Variants in PLB1 observed in about 807,000 individuals in gnomAD.
PLB1 encodes the protein phospholipase B1, membrane-associated.
Under a neutral mutation model 227.4 loss-of-function variants are expected in PLB1, and 242 were observed. The ratio of observed to expected loss-of-function variants is 1.06; its 90% confidence interval spans 0.96 to 1.18. PLB1 has a LOEUF of 1.18. Ranked by LOEUF, PLB1 falls within the 50% of genes most tolerant of loss-of-function variation. The pLI is 0.00. For missense variants in PLB1, 1,858 were observed against 1,816.3 expected, an observed-to-expected ratio of 1.02 and a Z score of -0.42; for synonymous variants, 757 against 682.2, an observed-to-expected ratio of 1.11 and a Z score of -1.71.
At chr2:28,502,816 T>C (rs1452812988) in intron 1 of PLB1, among the ~76,000 whole-genome samples, 2 of 152,194 alleles carry the variant, frequency 1.3e-5, no homozygotes, top group Non-Finnish European at 2.9e-5. Flanking sequence ...TTTTTTCCTT[T>C]TAATGTTTGG....
Position 28,585,692 on chromosome 2 carries a change from G to A in PLB1, c.1734-69G>A, listed in dbSNP as rs373808356. ...GAAATGTATTGAGTCTCAAGCCAGC[G>A]TTTCTGCATCACTTATTCAGGATGG... On this transcript the variant is annotated intron_variant, in intron 25 of 57. Coordinates refer to ENST00000327757, the MANE Select transcript of PLB1 (RefSeq NM_153021.5). The A allele has an allele frequency of 3.5e-4, 447 of 1,271,708 alleles. 3 individuals carry two copies. In the South Asian group the frequency reaches 4.8e-3, roughly 14 times the overall value. 78.8% of individuals were successfully genotyped at this position (1,271,708 alleles called of 1,614,324 possible).
rs111587322 is a variant in PLB1, at chr2:28,545,918, C to A, written c.936+2650C>A. ...CCATTACTCTGTCCTCAGACACCCC[C>A]GGACACAGCTGTAGGGAAGGAGGAT... On this transcript the variant is annotated intron_variant, in intron 14 of 57. Transcript: ENST00000327757. Among the ~76,000 whole-genome samples, 9 of 152,274 alleles carry A rather than the reference C, an allele frequency of 5.9e-5. No homozygotes were observed. The East Asian group carries it at 1.7e-3, about 29-fold the overall frequency.
intron 4 of PLB1, among the ~76,000 whole-genome samples, chr2:28,521,479 A>C (rs1669526312): frequency 6.6e-6 from 1 of 152,170 alleles, no homozygotes; most frequent in African/African-American, 2.4e-5. Flanking sequence ...GTTGGTTTTT[A>C]ATAGTAGGCA....
At chr2:28,518,367 ATAGAAT>A in intron 2 of PLB1, 93 bp from the exon 3 acceptor site, 6 of 908,042 alleles carry the variant, frequency 6.6e-6, no homozygotes, top group Non-Finnish European at 1.1e-5. Flanking sequence ...TTGAGCCTAG[ATAGAAT>A]GAGTACATGA....
At chr2:28,606,247 C>T (rs998079499) in intron 42 of PLB1, among the ~76,000 whole-genome samples, 27 of 152,134 alleles carry the variant, frequency 1.8e-4, no homozygotes, top group African/African-American at 4.3e-4. Flanking sequence ...GTTTAAGCCA[C>T]GTTATCTCAT....
chr2:28,532,096 C>G lies in PLB1; in HGVS notation c.469-12C>G. On this transcript the variant is annotated splice_polypyrimidine_tract_variant and intron_variant, in intron 8 of 57. Coordinates refer to ENST00000327757, the MANE Select transcript of PLB1 (RefSeq NM_153021.5). The stretch of plus-strand genomic sequence containing the variant: ...CACAATCTCCTTTTCATGCTGTTGC[C>G]CTTTTATTCAGCAACTTGACTTTCA... 6.3e-7 allele frequency: 1 copy of G among 1,599,504 alleles called. No individual in the cohort carries two copies. The highest frequency in any genetic ancestry group is 8.6e-7 in the Non-Finnish European group (1 of 1,168,980).
chr2:28,529,528 A>G (rs540179341), intron 7 of PLB1, 121 bp downstream of exon 7: 1 of 1,009,668 alleles, frequency 9.9e-7, no homozygotes, highest in Admixed American at 2.3e-5. Flanking sequence ...TATTTAAGTC[A>G]AAGCCCAAAT....
At chr2:28,501,359 G>A (rs910694705) in intron 1 of PLB1, among the ~76,000 whole-genome samples, 2 of 151,992 alleles carry the variant, frequency 1.3e-5, no homozygotes, top group South Asian at 2.1e-4. Context: ...CCATACTTCC[G>A]TCCTTTAGAA....
intron 13 of PLB1, among the ~76,000 whole-genome samples, chr2:28,542,123 A>C: frequency 8.3e-6 from 1 of 120,086 alleles, no homozygotes; most frequent in Non-Finnish European, 1.8e-5. Flanking sequence ...GTAGAACGAG[A>C]CTCAGTCTCA....
intron 17 of PLB1, among the ~76,000 whole-genome samples, chr2:28,553,273 C>T (rs1047091406): frequency 7.9e-5 from 12 of 152,172 alleles, no homozygotes; most frequent in East Asian, 5.8e-4. Context: ...CCTGCCTTGA[C>T]GCCTTGATGG....
In PLB1 at chr2:28,620,281, G is replaced by A. The variant is rs117512489; in HGVS notation, c.3332G>A (p.Arg1111Gln). 6.5e-3 allele frequency: 10,465 copies of A among 1,603,694 alleles called. 480 individuals carry two copies. In the Admixed American group the frequency reaches 0.11, roughly 17 times the overall value. The change falls in exon 47 of 58, where the codon CGA becomes CAA. Residue 1111 changes from arginine (R) to glutamine (Q), a missense_variant. Arg to Gln is a conservative substitution (Grantham distance 43). Transcript: ENST00000327757. ...TTTTTACAGACAGCAGTGGGAGCTC[G>A]ACCAAACAACTCCAGTGACCTACCC... ...GDSLTTAVGARPNNSSDLPTS... is the reference protein window; with the variant it reads ...GDSLTTAVGAQPNNSSDLPTS...
intron 1 of PLB1, among the ~76,000 whole-genome samples, chr2:28,501,273 C>CT (rs1298197235): frequency 6.6e-6 from 1 of 152,112 alleles, no homozygotes; most frequent in Non-Finnish European, 1.5e-5. Context: ...TTACTGAATC[C>CT]TACAATACAT....
chr2:28,591,763 A>C lies in PLB1; in HGVS notation c.2188+3A>C, dbSNP rs1401513427. ...TTCTGCCTTGCACCCTACCTCAGGT[A>C]AGCCCCCTATGGCACAGCAGGACCC... On this transcript the variant is annotated splice_donor_region_variant and intron_variant, in intron 31 of 57. Transcript: ENST00000327757. 6.8e-6 allele frequency: 11 copies of C among 1,613,596 alleles called. No homozygotes were observed. Among genetic ancestry groups the C allele is most frequent in the Non-Finnish European group, 7.6e-6 (9 of 1,179,872 alleles).
At chr2:28,538,454 G>C in intron 10 of PLB1, 73 bp downstream of exon 10, 1 of 1,406,434 alleles carries the variant, frequency 7.1e-7, no homozygotes, top group Non-Finnish European at 9.9e-7. Flanking sequence ...CCACCGGGGT[G>C]GGGAAATGGA....
rs770738693 is a variant in PLB1, at chr2:28,582,468, C to G, written c.1696C>G (p.Gln566Glu). ...GATCGTCAACCTGAGGGAGCTGTAC[C>G]AGGAGAAAAAAGTCTACTGCCCAAG... ...LEIVNLRELY[Q>E]EKKVYCPRMI... The change falls in exon 25 of 58, where the codon CAG becomes GAG. Residue 566 changes from glutamine to glutamate, a missense_variant. By Grantham distance (29) the Gln-to-Glu change is conservative (BLOSUM62 2). Coordinates refer to ENST00000327757, the MANE Select transcript of PLB1 (RefSeq NM_153021.5). 1.2e-6 allele frequency: 2 copies of G among 1,612,492 alleles called. No individual in the cohort carries two copies. Among genetic ancestry groups the G allele is most frequent in the Admixed American group, 1.7e-5 (1 of 59,878 alleles).
intron 43 of PLB1, among the ~76,000 whole-genome samples, chr2:28,609,655 C>T (rs1423378338): frequency 6.6e-6 from 1 of 152,158 alleles, no homozygotes; most frequent in Non-Finnish European, 1.5e-5. Flanking sequence ...GCTTAACATT[C>T]ATTCAAAAAA....
chr2:28,566,613 A>T, intron 19 of PLB1, 183 bp from the exon 20 acceptor site: 1 of 604,582 alleles, frequency 1.7e-6, no homozygotes, highest in Non-Finnish European at 3.0e-6. Flanking sequence ...GTGCTGGCCT[A>T]TGGGGAGGGG....
At chr2:28,526,045 T>A in intron 6 of PLB1, 100 bp downstream of exon 6, 1 of 1,366,472 alleles carries the variant, frequency 7.3e-7, no homozygotes, top group Non-Finnish European at 1.0e-6. Context: ...CCAGCCACTT[T>A]ATCACTGGAG....
rs1668680323 is a variant in PLB1, at chr2:28,515,022, G to A, written c.56-1786G>A. Among the ~76,000 whole-genome samples, 3 of 152,032 alleles carry A rather than the reference G, an allele frequency of 2.0e-5. No individual in the cohort carries two copies. In the South Asian group the frequency reaches 6.2e-4, roughly 32 times the overall value. ...TAACCTTTTGGGGCCTCAGTTTTCT[G>A]TCTGTAAAGTGGGGATGATGATATT... On this transcript the variant is annotated intron_variant, in intron 1 of 57. Coordinates refer to ENST00000327757, the MANE Select transcript of PLB1 (RefSeq NM_153021.5).
Sources: gnomAD v4.1 joint callset for allele counts (sites outside exome capture counted in the v4.1 genomes callset) on GRCh38, gnomAD v4.1.1 for gene constraint, MANE v1.5 for transcripts, NCBI Gene and HGNC (gene_info 2026-07-23, HGNC 2026-07-21) for gene names.